Variants in ELAVL2 observed in about 807,000 individuals in gnomAD.
The protein encoded by ELAVL2 is ELAV like RNA binding protein 2.
In ELAVL2, 4 loss-of-function variants were observed where a neutral mutation model predicts 34.6. That is an observed-to-expected ratio of 0.12 (90% confidence interval 0.06 to 0.26). The LOEUF (loss-of-function observed/expected upper bound fraction) is 0.26. Ranked by LOEUF, ELAVL2 falls within the 10% of genes least tolerant of loss-of-function variation. ELAVL2 has a pLI of 1.00. For synonymous variants in ELAVL2, 193 were observed against 154.8 expected (o/e 1.25, Z -1.83); for missense variants, 432 against 442.8 (o/e 0.98, Z 0.22).
intron 1 of ELAVL2, among the ~76,000 whole-genome samples, chr9:23,807,762 C>G (rs1027505378): frequency 6.6e-6 from 1 of 152,128 alleles, no homozygotes; most frequent in Non-Finnish European, 1.5e-5. Flanking sequence ...AAAAGCCTAA[C>G]AAATATTCCT....
chr9:23,728,610 T>A (rs532081701), intron 3 of ELAVL2, among the ~76,000 whole-genome samples: 1 of 152,126 alleles, frequency 6.6e-6, no homozygotes, highest in South Asian at 2.1e-4. Context: ...CAGTATAGAT[T>A]AGACGAGGGA....
intron 1 of ELAVL2, among the ~76,000 whole-genome samples, chr9:23,802,858 C>G (rs1458374392): frequency 6.6e-6 from 1 of 151,628 alleles, no homozygotes; most frequent in Admixed American, 6.5e-5. Context: ...TATACATATT[C>G]CTCACTTTAA....
At chr9:23,801,258 A>G (rs945262474) in intron 1 of ELAVL2, among the ~76,000 whole-genome samples, 2 of 152,216 alleles carry the variant, frequency 1.3e-5, no homozygotes, top group Non-Finnish European at 2.9e-5. Flanking sequence ...GTTTTAAAAT[A>G]ACATTTAAAA....
intron 1 of ELAVL2, among the ~76,000 whole-genome samples, chr9:23,784,967 T>A (rs957396218): frequency 2.0e-5 from 3 of 152,246 alleles, no homozygotes; most frequent in Non-Finnish European, 2.9e-5. Context: ...TTTTGTAAAG[T>A]GAAATATATT....
At chr9:23,769,756 A>C (rs10491817) in intron 1 of ELAVL2, among the ~76,000 whole-genome samples, 13,418 of 152,258 alleles carry the variant, frequency 0.088, 675 homozygotes, top group Middle Eastern at 0.19. Context: ...TGCACGCGTC[A>C]TAAGGAGAAT....
chr9:23,695,180 A>G (rs147111868), intron 5 of ELAVL2, among the ~76,000 whole-genome samples: 45 of 152,324 alleles, frequency 3.0e-4, no homozygotes, highest in Non-Finnish European at 5.3e-4. Context: ...ACATATTAGC[A>G]CCACCAATCA....
At chr9:23,787,553 G>C (rs2059843705) in intron 1 of ELAVL2, among the ~76,000 whole-genome samples, 2 of 149,834 alleles carry the variant, frequency 1.3e-5, no homozygotes, top group African/African-American at 4.9e-5. Flanking sequence ...TTTCAAATGA[G>C]GAAATAGGCT....
intron 2 of ELAVL2, among the ~76,000 whole-genome samples, chr9:23,761,478 C>T (rs1200574524): frequency 6.6e-6 from 1 of 152,006 alleles, no homozygotes; most frequent in Non-Finnish European, 1.5e-5. Context: ...TATACCATGT[C>T]CTTTCCTTGT....
intron 1 of ELAVL2, among the ~76,000 whole-genome samples, chr9:23,801,497 C>G (rs903763608): frequency 2.0e-5 from 3 of 152,088 alleles, no homozygotes; most frequent in Non-Finnish European, 4.4e-5. Flanking sequence ...AGTTTTCAGA[C>G]AAGTAAATTT....
chr9:23,793,397 C>T (rs1252188731), intron 1 of ELAVL2, among the ~76,000 whole-genome samples: 1 of 152,132 alleles, frequency 6.6e-6, no homozygotes, highest in Non-Finnish European at 1.5e-5. Flanking sequence ...CTCTCATCTC[C>T]CCCTAAGTAT....
At chr9:23,758,699 T>TA (rs1306408780) in intron 2 of ELAVL2, among the ~76,000 whole-genome samples, 2 of 152,086 alleles carry the variant, frequency 1.3e-5, no homozygotes, top group African/African-American at 4.8e-5. Flanking sequence ...CAGGGAGAGA[T>TA]ACTCACTCTT....
chr9:23,758,620 T>C (rs1026867531), intron 2 of ELAVL2, among the ~76,000 whole-genome samples: 5 of 152,240 alleles, frequency 3.3e-5, no homozygotes, highest in Non-Finnish European at 4.4e-5. Context: ...GTTAAACTGG[T>C]CTGATAACCA....
intron 2 of ELAVL2, among the ~76,000 whole-genome samples, chr9:23,748,384 G>A (rs1403734347): frequency 2.6e-5 from 4 of 152,090 alleles, no homozygotes; most frequent in African/African-American, 4.8e-5. Flanking sequence ...GACCCCACAC[G>A]GATGTTTGTC....
At chr9:23,848,749 C>T in the ELAVL2 span, among the ~76,000 whole-genome samples, 2 of 151,974 alleles carry the variant, frequency 1.3e-5, no homozygotes, top group East Asian at 3.9e-4. Context: ...GAAATGTAGG[C>T]ACATGCAATT....
At chr9:23,809,245 C>G (rs986692077) in intron 1 of ELAVL2, among the ~76,000 whole-genome samples, 1 of 152,064 alleles carries the variant, frequency 6.6e-6, no homozygotes, top group South Asian at 2.1e-4. Flanking sequence ...TATTTTCTCA[C>G]GTTTACACCA....
intron 1 of ELAVL2, among the ~76,000 whole-genome samples, chr9:23,777,197 T>C (rs1406123092): frequency 6.6e-6 from 1 of 152,198 alleles, no homozygotes. Context: ...GCAATCTCTT[T>C]CAGATCGAGC....
rs78707678 is a variant in ELAVL2, at chr9:23,751,209, C to G, written c.229+10797G>C. Among the ~76,000 whole-genome samples, 7 of 152,040 alleles carry G rather than the reference C, an allele frequency of 4.6e-5. No homozygotes were observed. In the East Asian group the frequency reaches 1.2e-3, roughly 25 times the overall value. Reference sequence around the variant, plus strand: ...CCCTACAAAATCAAAGCAGTATGTACAAAACAGAGTTCCAACAAAAAGTAC... The same window carrying G: ...CCCTACAAAATCAAAGCAGTATGTAGAAAACAGAGTTCCAACAAAAAGTAC... On this transcript the variant is annotated intron_variant, in intron 2 of 6. Transcript: ENST00000397312.
chr9:23,786,789 A>G (rs1336829555), intron 1 of ELAVL2, among the ~76,000 whole-genome samples: 1 of 149,286 alleles, frequency 6.7e-6, no homozygotes, highest in Non-Finnish European at 1.5e-5. Context: ...GGCAAAAAAA[A>G]AAAAAAAAAA....
At chr9:23,697,390 T>C (rs2035627918) in intron 5 of ELAVL2, among the ~76,000 whole-genome samples, 1 of 152,236 alleles carries the variant, frequency 6.6e-6, no homozygotes, top group African/African-American at 2.4e-5. Flanking sequence ...TTTATGGTCT[T>C]GCTTTAAAAG....
Sources: gnomAD v4.1 joint callset for allele counts (sites outside exome capture counted in the v4.1 genomes callset) on GRCh38, gnomAD v4.1.1 for gene constraint, MANE v1.5 for transcripts, NCBI Gene and HGNC (gene_info 2026-07-23, HGNC 2026-07-21) for gene names.